Variants in PTPRD observed in about 807,000 individuals in gnomAD.
The protein encoded by PTPRD is protein tyrosine phosphatase receptor type D, also known as receptor-type tyrosine-protein phosphatase delta.
A neutral mutation model predicts 214.5 loss-of-function variants in PTPRD; 34 were observed. That is an observed-to-expected ratio of 0.16 (90% CI 0.12 to 0.21). PTPRD has a LOEUF of 0.21. Among genes scored for constraint, PTPRD ranks in the 10% least tolerant of loss-of-function variants. PTPRD has a pLI of 1.00. For synonymous variants in PTPRD, 1,128 were observed against 845.7 expected, an observed-to-expected ratio of 1.33 and a Z score of -5.79; for missense variants, 2,545 against 2,398.7, an observed-to-expected ratio of 1.06 and a Z score of -1.27.
intron 9 of PTPRD, among the ~76,000 whole-genome samples, chr9:9,385,273 A>T (rs910713034): frequency 1.6e-4 from 24 of 152,190 alleles, no homozygotes; most frequent in African/African-American, 5.5e-4. Context: ...AATTTTAGTC[A>T]AACATTTATT....
intron 12 of PTPRD, among the ~76,000 whole-genome samples, chr9:8,670,757 A>G (rs2097266905): frequency 6.6e-6 from 1 of 152,210 alleles, no homozygotes; most frequent in Non-Finnish European, 1.5e-5. Context: ...CACCTGCCAA[A>G]GCACTGAAGA....
At chr9:10,087,543 TG>T (rs1322309887) in intron 3 of PTPRD, among the ~76,000 whole-genome samples, 1 of 151,564 alleles carries the variant, frequency 6.6e-6, no homozygotes, top group Non-Finnish European at 1.5e-5. Flanking sequence ...TCAGGCAGAG[TG>T]GGACCAGGAA....
Position 9,418,410 on chromosome 9 carries a change from C to A in PTPRD, c.-236-20928G>T, listed in dbSNP as rs1181109197. Among the ~76,000 whole-genome samples the A allele has an allele frequency of 2.0e-5, 3 of 151,964 alleles. No homozygotes were observed. The East Asian group carries it at 5.8e-4, about 29-fold the overall frequency. On this transcript the variant is annotated intron_variant, in intron 8 of 45. Coordinates refer to ENST00000381196, the MANE Select transcript of PTPRD (RefSeq NM_002839.4). The stretch of plus-strand genomic sequence containing the variant: ...CATGTTAGGATTTAAATATCTCTTG[C>A]ACCTTATATTAATGACAATAAGAGC...
chr9:9,422,434 C>A (rs2079151115), intron 8 of PTPRD, among the ~76,000 whole-genome samples: 1 of 152,090 alleles, frequency 6.6e-6, no homozygotes, highest in South Asian at 2.1e-4. Context: ...ACTAGAAAAT[C>A]TTTATTAAAA....
chr9:9,773,820 G>C (rs1256835246), intron 5 of PTPRD, among the ~76,000 whole-genome samples: 3 of 151,840 alleles, frequency 2.0e-5, no homozygotes, highest in Non-Finnish European at 2.9e-5. Flanking sequence ...AGGCCCTTTT[G>C]GTATACTCTA....
intron 3 of PTPRD, among the ~76,000 whole-genome samples, chr9:10,090,050 G>T (rs888527097): frequency 3.3e-5 from 5 of 151,612 alleles, no homozygotes; most frequent in Non-Finnish European, 7.4e-5. Context: ...ATAAGAAATT[G>T]CTTGATTGCT....
chr9:10,448,136 C>G (rs1035184528), intron 2 of PTPRD, among the ~76,000 whole-genome samples: 3 of 152,018 alleles, frequency 2.0e-5, no homozygotes, highest in Non-Finnish European at 4.4e-5. Flanking sequence ...AAATTCAAGT[C>G]TTTTCGAGTC....
At chr9:10,245,036 G>C (rs2091853105) in intron 3 of PTPRD, among the ~76,000 whole-genome samples, 1 of 152,008 alleles carries the variant, frequency 6.6e-6, no homozygotes, top group African/African-American at 2.4e-5. Context: ...TTCACACAAT[G>C]TATCTAATTT....
Position 10,019,024 on chromosome 9 carries a change from C to T in PTPRD, c.-472+14694G>A, listed in dbSNP as rs2096787490. 2.6e-5 allele frequency among the ~76,000 whole-genome samples: 4 copies of T among 152,158 alleles called. No individual in the cohort carries two copies. The South Asian group carries it at 8.3e-4, about 32-fold the overall frequency. On this transcript the variant is annotated intron_variant, in intron 4 of 45. Transcript: ENST00000381196. ...AATGGGAGAAAATTTTTGCAATCTA[C>T]TCATCTGACAAAGGGCTAATATCCA...
At chr9:8,864,635 C>T (rs942393792) in intron 11 of PTPRD, among the ~76,000 whole-genome samples, 2 of 152,140 alleles carry the variant, frequency 1.3e-5, no homozygotes, top group Non-Finnish European at 2.9e-5. Context: ...AAATACCACA[C>T]GTTGATTTTC....
chr9:8,713,727 G>A, intron 12 of PTPRD: 7 of 1,504,950 alleles, frequency 4.7e-6, no homozygotes, highest in Non-Finnish European at 6.4e-6. Context: ...AGTGACGCCG[G>A]CAGGCTGTCA....
chr9:9,609,558 G>A (rs1232244252), intron 7 of PTPRD, among the ~76,000 whole-genome samples: 1 of 152,182 alleles, frequency 6.6e-6, no homozygotes, highest in Non-Finnish European at 1.5e-5. Context: ...TGCCTCCCAG[G>A]TTCAAGCAAT....
chr9:8,965,492 T>C (rs937554605), intron 11 of PTPRD, among the ~76,000 whole-genome samples: 19 of 152,118 alleles, frequency 1.2e-4, no homozygotes, highest in African/African-American at 4.6e-4. Flanking sequence ...CTAGAAATAC[T>C]TATTTTATGA....
intron 11 of PTPRD, among the ~76,000 whole-genome samples, chr9:8,929,829 A>ATG (rs1567062981): frequency 0.021 from 1,621 of 77,792 alleles, 47 homozygotes; most frequent in Middle Eastern, 0.035. Context: ...GTGTATATAT[A>ATG]TGTGTATATA....
rs190773844 is a variant in PTPRD, at chr9:8,952,258, T to C, written c.-104+66439A>G. Among the ~76,000 whole-genome samples, 4 of 152,040 alleles carry C rather than the reference T, an allele frequency of 2.6e-5. No homozygotes were observed. The Admixed American group carries it at 2.6e-4, about 10-fold the overall frequency. ...ATTTGTTGAAGAAACAAACTGATAATTAATGTATGTTCTTACATGTCAAAT... is the reference window on the plus strand; with the variant it reads ...ATTTGTTGAAGAAACAAACTGATAACTAATGTATGTTCTTACATGTCAAAT... On this transcript the variant is annotated intron_variant, in intron 11 of 45. Transcript: ENST00000381196.
intron 8 of PTPRD, among the ~76,000 whole-genome samples, chr9:9,423,114 T>C (rs996919167): frequency 6.6e-6 from 1 of 152,178 alleles, no homozygotes; most frequent in African/African-American, 2.4e-5. Context: ...TTCTACTCCA[T>C]CTGCCTGCTA....
intron 11 of PTPRD, among the ~76,000 whole-genome samples, chr9:8,948,907 T>C (rs918976957): frequency 2.0e-5 from 3 of 151,772 alleles, no homozygotes; most frequent in African/African-American, 7.3e-5. Context: ...TTTTTCTCAG[T>C]CTGAACACGG....
At chr9:9,873,961 AAAAG>A (rs1312255658) in intron 5 of PTPRD, among the ~76,000 whole-genome samples, 2 of 152,158 alleles carry the variant, frequency 1.3e-5, no homozygotes, top group Non-Finnish European at 2.9e-5. Flanking sequence ...TATTATATAT[AAAAG>A]AAAGAAACAA....
intron 9 of PTPRD, among the ~76,000 whole-genome samples, chr9:9,314,871 C>CT (rs1361093709): frequency 1.3e-5 from 2 of 151,816 alleles, no homozygotes; most frequent in African/African-American, 4.8e-5. Context: ...CACAAAGGAC[C>CT]TTTTTTTCCT....
Sources: allele counts gnomAD v4.1 joint callset (sites outside exome capture counted in the v4.1 genomes callset), GRCh38; gene constraint gnomAD v4.1.1; transcripts MANE v1.5; gene names NCBI Gene and HGNC (gene_info 2026-07-23, HGNC 2026-07-21).